TRMT9B: variants seen among roughly 807,000 people sequenced by gnomAD.
The protein encoded by TRMT9B is probable tRNA methyltransferase 9B.
Under a neutral mutation model 11.5 loss-of-function variants are expected in TRMT9B, and 16 were observed. The observed-to-expected ratio is 1.39, with a 90% CI of 0.94 to 2.11. The LOEUF is 2.11. TRMT9B is among the 30% of genes most tolerant of loss of function. The pLI is 0.00. For missense variants in TRMT9B, 941 were observed against 553.8 expected, an observed-to-expected ratio of 1.70 and a Z score of -7.02; for synonymous variants, 274 against 192.4, an observed-to-expected ratio of 1.42 and a Z score of -3.51.
chr8:12,996,562 C>T (rs896819727), intron 2 of TRMT9B, among the ~76,000 whole-genome samples: 6 of 152,160 alleles, frequency 3.9e-5, no homozygotes, highest in Non-Finnish European at 5.9e-5. Context: ...TTTCTAGCTG[C>T]CCAGAAGGCA....
intron 2 of TRMT9B, among the ~76,000 whole-genome samples, chr8:12,992,390 C>T (rs1212502552): frequency 2.0e-5 from 3 of 152,032 alleles, no homozygotes; most frequent in Non-Finnish European, 4.4e-5. Flanking sequence ...CACAGTGGCT[C>T]ACACCTGTAA....
chr8:12,957,682 G>C (rs1417095271), intron 1 of TRMT9B, among the ~76,000 whole-genome samples: 1 of 152,096 alleles, frequency 6.6e-6, no homozygotes, highest in Non-Finnish European at 1.5e-5. Context: ...GGGGTGACCA[G>C]GACTTAATGG....
At chr8:13,006,058 G>T (rs1177187462) in intron 2 of TRMT9B, 144 bp from the exon 3 acceptor site, 1 of 718,934 alleles carries the variant, frequency 1.4e-6, no homozygotes, top group Non-Finnish European at 2.2e-6. Context: ...TGAAGGTATT[G>T]TTCTTTGCAG....
In TRMT9B at chr8:12,983,840, G is replaced by A. The variant is rs2947372; in HGVS notation, c.-199-6994G>A. Among the ~76,000 whole-genome samples the A allele has an allele frequency of 3.7e-3, 559 of 152,170 alleles. 2 individuals carry two copies. The highest frequency in any genetic ancestry group is 0.012 in the African/African-American group (483 of 41,498). On this transcript the variant is annotated intron_variant, in intron 1 of 4. Coordinates refer to ENST00000524591, the MANE Select transcript of TRMT9B (RefSeq NM_020844.3). ...AGCATTGCAGATGGAGACAGAAAGCGTGCTCTTATTTGTTGCTGTTAACAG... is the reference window on the plus strand; with the variant it reads ...AGCATTGCAGATGGAGACAGAAAGCATGCTCTTATTTGTTGCTGTTAACAG...
intron 1 of TRMT9B, among the ~76,000 whole-genome samples, chr8:12,977,297 G>A (rs1387238133): frequency 6.6e-6 from 1 of 152,218 alleles, no homozygotes; most frequent in Non-Finnish European, 1.5e-5. Flanking sequence ...GGAGAGGAGA[G>A]GAATGTGTTA....
intron 2 of TRMT9B, among the ~76,000 whole-genome samples, chr8:13,003,142 A>G (rs867742309): frequency 2.6e-5 from 4 of 152,176 alleles, no homozygotes; most frequent in Non-Finnish European, 2.9e-5. Context: ...AGAGAAAAAT[A>G]TCTTATCTAA....
intron 3 of TRMT9B, chr8:13,007,654 C>A (rs1585335237): frequency 6.6e-6 from 1 of 152,084 alleles, no homozygotes; most frequent in African/African-American, 2.4e-5. Context: ...AATAATAAAT[C>A]TAGTTTCGGA....
intron 2 of TRMT9B, among the ~76,000 whole-genome samples, chr8:12,993,822 A>G (rs1274181072): frequency 1.3e-5 from 2 of 152,206 alleles, no homozygotes; most frequent in Non-Finnish European, 2.9e-5. Flanking sequence ...CAAGTTTGTA[A>G]TACTTTAGTC....
intron 1 of TRMT9B, among the ~76,000 whole-genome samples, chr8:12,966,393 C>T (rs1563325139): frequency 6.6e-6 from 1 of 152,076 alleles, no homozygotes; most frequent in Non-Finnish European, 1.5e-5. Flanking sequence ...AATACTTTGT[C>T]GTCTTTATTG....
At chr8:13,012,485 G>T (rs1260335134) in intron 3 of TRMT9B, 199 bp from the exon 4 acceptor site, 1 of 636,744 alleles carries the variant, frequency 1.6e-6, no homozygotes, top group East Asian at 4.6e-5. Flanking sequence ...TAAGGCAAGA[G>T]AATTGCTTGA....
At chr8:12,992,231 A>G (rs1370888390) in intron 2 of TRMT9B, among the ~76,000 whole-genome samples, 2 of 152,172 alleles carry the variant, frequency 1.3e-5, no homozygotes, top group African/African-American at 4.8e-5. Context: ...AGATATATAA[A>G]AACATCACAT....
In TRMT9B at chr8:13,010,247, G is replaced by C. The variant is rs556301908; in HGVS notation, c.155-2437G>C. 18 of 881,664 alleles carry C rather than the reference G, an allele frequency of 2.0e-5. No individual in the cohort carries two copies. The African/African-American group carries it at 3.1e-4, about 15-fold the overall frequency. The allele number at this position is 881,664 out of a possible 1,614,324, so 54.6% of individuals were successfully genotyped here. A position where few individuals can be genotyped will look rare whatever the true frequency, so the allele number is the denominator to read the frequency against. On this transcript the variant is annotated intron_variant, in intron 3 of 4. Coordinates refer to ENST00000524591, the MANE Select transcript of TRMT9B (RefSeq NM_020844.3). ...TGCCAATTTGTATCTTTTGAATTTT[G>C]TACTATATACATTTTTTAAACTATT...
intron 4 of TRMT9B, among the ~76,000 whole-genome samples, chr8:13,015,681 C>G (rs777116740): frequency 7.9e-5 from 12 of 152,126 alleles, no homozygotes; most frequent in Non-Finnish European, 1.3e-4. Flanking sequence ...GCAAGGCCAC[C>G]TATATCCAGA....
At chr8:13,006,581 G>A (rs541880248) in intron 3 of TRMT9B, 195 of 1,422,008 alleles carry the variant, frequency 1.4e-4, no homozygotes, top group Non-Finnish European at 1.6e-4. Flanking sequence ...TGCACCCTTG[G>A]CATGCCAGTA....
intron 2 of TRMT9B, among the ~76,000 whole-genome samples, chr8:12,993,576 G>T (rs1161854731): frequency 6.6e-6 from 1 of 152,194 alleles, no homozygotes; most frequent in Non-Finnish European, 1.5e-5. Context: ...GAGATACTAG[G>T]GGATGGCAGT....
At chr8:12,999,204 CAGG>C (rs1350681126) in intron 2 of TRMT9B, among the ~76,000 whole-genome samples, 1 of 148,586 alleles carries the variant, frequency 6.7e-6, no homozygotes, top group African/African-American at 2.5e-5. Context: ...GAGGCTGAGG[CAGG>C]AGAATCGCTT....
intron 1 of TRMT9B, among the ~76,000 whole-genome samples, chr8:12,976,583 T>C (rs889301893): frequency 1.3e-5 from 2 of 151,458 alleles, no homozygotes; most frequent in African/African-American, 4.9e-5. Context: ...CTACTAAAAA[T>C]ACAAAAAATA....
chr8:12,994,151 A>G (rs1807907154), intron 2 of TRMT9B, among the ~76,000 whole-genome samples: 2 of 152,204 alleles, frequency 1.3e-5, no homozygotes, highest in South Asian at 2.1e-4. Context: ...GGAACAGAGG[A>G]TAAACAGAAG....
intron 3 of TRMT9B, among the ~76,000 whole-genome samples, chr8:13,009,249 G>A (rs946430390): frequency 2.0e-5 from 3 of 152,098 alleles, no homozygotes; most frequent in Non-Finnish European, 4.4e-5. Context: ...TGGGGCTGGG[G>A]TGTCGAAGCG....
Sources: allele counts gnomAD v4.1 joint callset (sites outside exome capture counted in the v4.1 genomes callset), GRCh38; gene constraint gnomAD v4.1.1; transcripts MANE v1.5; gene names NCBI Gene and HGNC (gene_info 2026-07-23, HGNC 2026-07-21).